The following ATF7IP variants were observed in gnomAD, a reference collection of about 807,000 sequenced individuals.
The protein encoded by ATF7IP is activating transcription factor 7 interacting protein.
ATF7IP carries 23 observed loss-of-function variants against 106.4 expected under a neutral mutation model. The observed-to-expected ratio is 0.22, with a 90% CI of 0.16 to 0.31. ATF7IP has a LOEUF of 0.31. Among genes scored for constraint, ATF7IP ranks in the 10% least tolerant of loss-of-function variants. The pLI is 1.00. For synonymous variants in ATF7IP, 542 were observed against 539.0 expected, an observed-to-expected ratio of 1.01 and a Z score of -0.08; for missense variants, 1,334 against 1,524.3, an observed-to-expected ratio of 0.88 and a Z score of 2.08.
At chr12:14,394,274 A>C (rs1482149453) in intron 1 of ATF7IP, among the ~76,000 whole-genome samples, 3 of 152,244 alleles carry the variant, frequency 2.0e-5, no homozygotes, top group African/African-American at 7.2e-5. Context: ...AATGATTGCC[A>C]AACAGCAACC....
At chr12:14,433,300 A>C (rs1942232891) in intron 2 of ATF7IP, among the ~76,000 whole-genome samples, 1 of 152,078 alleles carries the variant, frequency 6.6e-6, no homozygotes, top group Non-Finnish European at 1.5e-5. Context: ...AGGTCAAGAG[A>C]TGAAGATCAT....
intron 13 of ATF7IP, among the ~76,000 whole-genome samples, chr12:14,488,693 A>G (rs1944708326): frequency 6.6e-6 from 1 of 152,182 alleles, no homozygotes; most frequent in South Asian, 2.1e-4. Context: ...ATCTCCTAAT[A>G]TCATACGCAG....
chr12:14,450,809 T>A (rs1488144401), intron 6 of ATF7IP, among the ~76,000 whole-genome samples: 1 of 152,120 alleles, frequency 6.6e-6, no homozygotes, highest in Non-Finnish European at 1.5e-5. Context: ...TATTAATGAT[T>A]ATTATTTTTG....
intron 1 of ATF7IP, among the ~76,000 whole-genome samples, chr12:14,369,632 C>T (rs1938453096): frequency 6.6e-6 from 1 of 152,202 alleles, no homozygotes; most frequent in Non-Finnish European, 1.5e-5. Flanking sequence ...CCACCGTGCA[C>T]AGCCTTGTTC....
intron 1 of ATF7IP, chr12:14,385,545 T>A: frequency 1.5e-6 from 1 of 675,206 alleles, no homozygotes; most frequent in Non-Finnish European, 2.5e-6. Flanking sequence ...AAGCCTTTAT[T>A]ATGGAAACAG....
chr12:14,474,056 AC>A (rs1322331018), intron 10 of ATF7IP, among the ~76,000 whole-genome samples: 1 of 151,848 alleles, frequency 6.6e-6, no homozygotes, highest in Non-Finnish European at 1.5e-5. Flanking sequence ...AATGTTTTCC[AC>A]CAAATTTGGG....
At position 14,377,973 on chromosome 12, in the gene ATF7IP, T is replaced by C. The variant is rs138887782; in HGVS notation, c.-8+12146T>C. 1.1e-4 allele frequency among the ~76,000 whole-genome samples: 16 copies of C among 152,242 alleles called. No individual in the cohort carries two copies. The East Asian group carries it at 1.7e-3, about 17-fold the overall frequency. ...TGGTAGGCAGGAGAACAGATTCTTA[T>C]GGAAACTGTGTAAACTGAGTCATAA... On this transcript the variant is annotated intron_variant, in intron 1 of 14. Transcript: ENST00000261168.
chr12:14,501,400 G>T lies in ATF7IP; in HGVS notation c.*3327G>T, dbSNP rs1014286402. 6.6e-5 allele frequency: 10 copies of T among 152,112 alleles called. No homozygotes were observed. The highest frequency in any genetic ancestry group is 2.4e-4 in the African/African-American group (10 of 41,428). The allele number at this position is 152,112 out of a possible 1,614,324, so 9.4% of individuals were successfully genotyped here. A position where few individuals can be genotyped will look rare whatever the true frequency, so the allele number is the denominator to read the frequency against. On this transcript the variant is annotated 3_prime_UTR_variant, in exon 15 of 15. Coordinates refer to ENST00000261168, the MANE Select transcript of ATF7IP (RefSeq NM_018179.5). ...GGTGATGTTTATTATTCTATACTTT[G>T]CATTCTGTGAGAGTAATTTTCACTC...
chr12:14,405,767 G>GA (rs1461293389), intron 1 of ATF7IP, among the ~76,000 whole-genome samples: 1 of 151,934 alleles, frequency 6.6e-6, no homozygotes, highest in East Asian at 1.9e-4. Flanking sequence ...AGGGCAGTTG[G>GA]AAGAGAAGAG....
chr12:14,465,198 C>A (rs1943783848), intron 9 of ATF7IP, among the ~76,000 whole-genome samples: 1 of 151,258 alleles, frequency 6.6e-6, no homozygotes, highest in African/African-American at 2.4e-5. Context: ...TGGGTGACAG[C>A]AAGACTCTGT....
chr12:14,455,182 C>CAA (rs71438317), intron 6 of ATF7IP, among the ~76,000 whole-genome samples: 12 of 89,510 alleles, frequency 1.3e-4, no homozygotes, highest in Non-Finnish European at 2.0e-4. Context: ...GACTCTATCT[C>CAA]AAAAAAAAAA....
intron 13 of ATF7IP, among the ~76,000 whole-genome samples, chr12:14,485,856 A>G (rs1944590357): frequency 2.0e-5 from 3 of 152,244 alleles, no homozygotes; most frequent in Admixed American, 2.0e-4. Flanking sequence ...GCCATTCTCC[A>G]TGATCCATCT....
Position 14,424,471 on chromosome 12 carries a change from CCTGGTGATGCCACCT to C in ATF7IP, c.570_584del (p.Ser191_Thr195del), listed in dbSNP as rs768055706. ...TGATGCCCCTTCTGGTGATGTGTCC[CCTGGTGATGCCACCT>C]CTGGTGATGCCACTGCTGATGATCT... On this transcript the variant is annotated inframe_deletion, in exon 2 of 15. Transcript: ENST00000261168. 2.5e-5 allele frequency: 41 copies of C among 1,611,218 alleles called. No individual in the cohort carries two copies. The highest frequency in any genetic ancestry group is 3.5e-5 in the Non-Finnish European group (41 of 1,179,014).
intron 1 of ATF7IP, among the ~76,000 whole-genome samples, chr12:14,382,985 G>A (rs1048266985): frequency 1.3e-5 from 2 of 152,050 alleles, no homozygotes; most frequent in Non-Finnish European, 2.9e-5. Context: ...AGTTTCTTTG[G>A]GATAAAGGTG....
chr12:14,485,130 TG>T (rs1361289456), intron 13 of ATF7IP, among the ~76,000 whole-genome samples: 2 of 152,116 alleles, frequency 1.3e-5, no homozygotes, highest in Admixed American at 1.3e-4. Flanking sequence ...TTGAATCTGC[TG>T]GGTCCTATGG....
intron 1 of ATF7IP, among the ~76,000 whole-genome samples, chr12:14,376,979 A>C (rs536375275): frequency 6.6e-6 from 1 of 152,090 alleles, no homozygotes; most frequent in Non-Finnish European, 1.5e-5. Context: ...AATTAAAGGA[A>C]ATTTGTGTTT....
Position 14,501,422 on chromosome 12 carries a change from ACT to A in ATF7IP, c.*3352_*3353del, listed in dbSNP as rs1362875675. On this transcript the variant is annotated 3_prime_UTR_variant, in exon 15 of 15. Transcript: ENST00000261168. The stretch of plus-strand genomic sequence containing the variant: ...TTTGCATTCTGTGAGAGTAATTTTC[ACT>A]CTGTCTTAAGTGTGAGTAAGCCTCT... 2 of 152,058 alleles carry A rather than the reference ACT, an allele frequency of 1.3e-5. No homozygotes were observed. Among genetic ancestry groups the A allele is most frequent in the African/African-American group, 2.4e-5 (1 of 41,408 alleles). 9.4% of individuals were successfully genotyped at this position (152,058 alleles called of 1,614,324 possible). A position where few individuals can be genotyped will look rare whatever the true frequency, so the allele number is the denominator to read the frequency against.
intron 1 of ATF7IP, among the ~76,000 whole-genome samples, chr12:14,368,244 TG>T (rs1161113972): frequency 6.6e-6 from 1 of 152,080 alleles, no homozygotes; most frequent in Non-Finnish European, 1.5e-5. Context: ...AATCTATAAA[TG>T]TTTATTAATT....
intron 6 of ATF7IP, among the ~76,000 whole-genome samples, chr12:14,452,544 TAAAAC>T (rs1943246081): frequency 6.6e-6 from 1 of 152,166 alleles, no homozygotes; most frequent in South Asian, 2.1e-4. Flanking sequence ...GGGGATTACA[TAAAAC>T]ATCCTAAAGT....
Sources: allele counts gnomAD v4.1 joint callset (sites outside exome capture counted in the v4.1 genomes callset), GRCh38; gene constraint gnomAD v4.1.1; transcripts MANE v1.5; gene names NCBI Gene and HGNC (gene_info 2026-07-23, HGNC 2026-07-21).